The following TPTE variants were observed in gnomAD, a reference collection of about 807,000 sequenced individuals.
The protein encoded by TPTE is transmembrane phosphatase with tensin homology, also known as putative tyrosine-protein phosphatase TPTE.
In TPTE, 59 loss-of-function variants were observed where a neutral mutation model predicts 84.1. That is an observed-to-expected ratio of 0.70 (90% confidence interval 0.57 to 0.87). TPTE has a LOEUF of 0.87. Ranked by LOEUF, TPTE falls within the 40% of genes least tolerant of loss-of-function variation. The pLI is 0.00. For synonymous variants in TPTE, 130 were observed against 223.5 expected (o/e 0.58, Z 3.73); for missense variants, 382 against 659.6 (o/e 0.58, Z 4.61).
At chr21:10,601,419 G>GCGTT (rs1381994804) in intron 21 of TPTE, among the ~76,000 whole-genome samples, 1 of 152,190 alleles carries the variant, frequency 6.6e-6, no homozygotes, top group Non-Finnish European at 1.5e-5. Context: ...TGGAGAATCA[G>GCGTT]CTGAACCTGG....
chr21:10,599,931 C>T lies in TPTE; in HGVS notation c.1356+1837C>T, dbSNP rs1252597758. On this transcript the variant is annotated intron_variant, in intron 21 of 23. Transcript: ENST00000618007. ...GTAGCACAGTGGCATGATCATGGCTCACTGCAGCCTCAACCTCCTGAGCTC... is the reference window on the plus strand; with the variant it reads ...GTAGCACAGTGGCATGATCATGGCTTACTGCAGCCTCAACCTCCTGAGCTC... Among the ~76,000 whole-genome samples the T allele has an allele frequency of 2.6e-5, 4 of 152,250 alleles. No homozygotes were observed. The South Asian group carries it at 8.3e-4, about 31-fold the overall frequency.
In TPTE at chr21:10,542,425, C is replaced by A. The variant is rs571891150; in HGVS notation, c.96C>A (p.Thr32=). 8 of 1,611,708 alleles carry A rather than the reference C, an allele frequency of 5.0e-6. No homozygotes were observed. The highest frequency in any genetic ancestry group is 1.1e-5 in the South Asian group (1 of 91,062). Residue 32 remains threonine, a synonymous_variant, in exon 6 of 24, where the codon ACC becomes ACA. Coordinates refer to ENST00000618007, the MANE Select transcript of TPTE (RefSeq NM_199261.4). ...AGACAAGTGAATTTAAAGGAGCAAC[C>A]GAGGAGGCACCTGCGAAAGAAAGGT... ...SPQTSEFKGA[T]EEAPAKESPH...
At position 10,603,600 on chromosome 21, in the gene TPTE, C is replaced by G. The variant is rs1482904884; in HGVS notation, c.1488C>G (p.Phe496Leu). ...PTYYDNCSFY[F>L]WLHTSFIENN... ...ACTATGACAATTGCTCATTTTACTT[C>G]TGGTTGCACACATCTTTTATTGAAA... The change falls in exon 23 of 24, where the codon TTC becomes TTG. Residue 496 changes from phenylalanine (F) to leucine (L), a missense_variant. Coordinates refer to ENST00000618007, the MANE Select transcript of TPTE (RefSeq NM_199261.4). The G allele has an allele frequency of 2.5e-6, 4 of 1,612,528 alleles. No homozygotes were observed. The highest frequency in any genetic ancestry group is 1.1e-5 in the South Asian group (1 of 91,006).
intron 7 of TPTE, among the ~76,000 whole-genome samples, chr21:10,543,628 T>C (rs2074412504): frequency 1.3e-5 from 2 of 152,310 alleles, no homozygotes; most frequent in Admixed American, 1.3e-4. Context: ...TTCCAATTCT[T>C]CTCATTGTAG....
At chr21:10,583,630 T>A (rs2075307596) in intron 17 of TPTE, among the ~76,000 whole-genome samples, 1 of 152,310 alleles carries the variant, frequency 6.6e-6, no homozygotes, top group Non-Finnish European at 1.5e-5. Flanking sequence ...TGTGTTTTTG[T>A]GTCCTGATTA....
intron 6 of TPTE, 115 bp downstream of exon 6, chr21:10,542,563 TCATCCATC>T (rs1242680334): frequency 2.1e-4 from 171 of 821,846 alleles, no homozygotes; most frequent in African/African-American, 5.9e-4. Context: ...ATCCATCCAT[TCATCCATC>T]CATCCATCCA....
intron 18 of TPTE, among the ~76,000 whole-genome samples, chr21:10,591,699 C>T (rs1200943588): frequency 1.3e-5 from 2 of 152,312 alleles, no homozygotes; most frequent in Non-Finnish European, 2.9e-5. Context: ...GCAGCATCTC[C>T]TTGGCAGGTT....
intron 7 of TPTE, among the ~76,000 whole-genome samples, chr21:10,552,115 G>T (rs1346741354): frequency 1.3e-5 from 2 of 152,312 alleles, no homozygotes; most frequent in Non-Finnish European, 2.9e-5. Context: ...CCAGCAAAAG[G>T]TGATCATTAG....
At chr21:10,542,165 A>C (rs2074380791) in intron 5 of TPTE, among the ~76,000 whole-genome samples, 1 of 152,306 alleles carries the variant, frequency 6.6e-6, no homozygotes, top group African/African-American at 2.4e-5. Context: ...AAAGAGGTTT[A>C]CTTAAATCGG....
intron 14 of TPTE, among the ~76,000 whole-genome samples, chr21:10,572,140 C>A (rs1417976150): frequency 1.3e-5 from 2 of 152,302 alleles, no homozygotes; most frequent in African/African-American, 4.8e-5. Context: ...AGTAGTCAAA[C>A]TGTCAAAAGT....
intron 10 of TPTE, 57 bp downstream of exon 10, chr21:10,561,248 C>G: frequency 1.3e-6 from 2 of 1,598,638 alleles, no homozygotes; most frequent in Non-Finnish European, 1.7e-6. Context: ...ATAAGAAGCA[C>G]TTTCGGAGGC....
At chr21:10,566,180 A>T (rs210527) in intron 10 of TPTE, among the ~76,000 whole-genome samples, 524 of 152,160 alleles carry the variant, frequency 3.4e-3, no homozygotes, top group African/African-American at 0.011. Context: ...CTAATAATCT[A>T]ATCTTTTAAA....
At chr21:10,603,441 C>T in intron 22 of TPTE, 121 bp from the exon 23 acceptor site, 1 of 1,042,032 alleles carries the variant, frequency 9.6e-7, no homozygotes, top group Admixed American at 2.6e-5. Context: ...CAGAGTGCCA[C>T]ATATTTAATG....
At chr21:10,579,815 A>G (rs2075239265) in intron 17 of TPTE, among the ~76,000 whole-genome samples, 1 of 152,312 alleles carries the variant, frequency 6.6e-6, no homozygotes, top group African/African-American at 2.4e-5. Flanking sequence ...TAGCTTGGGT[A>G]TTATGAATAA....
At chr21:10,597,507 C>T (rs539706702) in intron 20 of TPTE, among the ~76,000 whole-genome samples, 279 of 151,482 alleles carry the variant, frequency 1.8e-3, no homozygotes, top group Middle Eastern at 0.011. Context: ...CTCTGCCTGC[C>T]GGGTTCAAGC....
intron 10 of TPTE, among the ~76,000 whole-genome samples, chr21:10,564,860 A>G (rs919499056): frequency 2.0e-5 from 3 of 152,310 alleles, no homozygotes; most frequent in Non-Finnish European, 4.4e-5. Context: ...TCAACTTAAT[A>G]AAAACCATAT....
intron 3 of TPTE, among the ~76,000 whole-genome samples, chr21:10,530,316 T>G (rs977610427): frequency 9.8e-5 from 15 of 152,304 alleles, no homozygotes; most frequent in Non-Finnish European, 2.1e-4. Context: ...GATATACATA[T>G]TGACATATAC....
chr21:10,531,682 ATTG>A (rs1413922578), intron 3 of TPTE, among the ~76,000 whole-genome samples: 1 of 152,308 alleles, frequency 6.6e-6, no homozygotes, highest in Non-Finnish European at 1.5e-5. Flanking sequence ...TAGCTTTGGC[ATTG>A]TTGTTCTTCA....
chr21:10,547,313 C>T lies in TPTE; in HGVS notation c.173+3931C>T, dbSNP rs1415765171. On this transcript the variant is annotated intron_variant, in intron 7 of 23. Transcript: ENST00000618007. ...GGAGTGCAGCAAAGGAGTGGAGACA[C>T]ATCTGTGGTGACTGAAAGTTGCCAC... Among the ~76,000 whole-genome samples the T allele has an allele frequency of 3.3e-5, 5 of 152,424 alleles. No individual in the cohort carries two copies. In the East Asian group the frequency reaches 9.6e-4, roughly 29 times the overall value.
Sources: gnomAD v4.1 joint callset for allele counts (sites outside exome capture counted in the v4.1 genomes callset) on GRCh38, gnomAD v4.1.1 for gene constraint, MANE v1.5 for transcripts, NCBI Gene and HGNC (gene_info 2026-07-23, HGNC 2026-07-21) for gene names.